The following ARHGAP15 variants were observed in gnomAD, a reference collection of about 807,000 sequenced individuals.
ARHGAP15 encodes the protein Rho GTPase activating protein 15.
A neutral mutation model predicts 63.7 loss-of-function variants in ARHGAP15; 51 were observed. The ratio of observed to expected loss-of-function variants is 0.80; its 90% CI spans 0.64 to 1.01. The LOEUF (loss-of-function observed/expected upper bound fraction) is 1.01, where lower values mean the gene tolerates loss of function less well. ARHGAP15 is among the 50% of genes least tolerant of loss of function. The probability of loss-of-function intolerance (pLI) is 0.00; values close to 1 mark genes in which losing one functional copy is unlikely to be tolerated. For synonymous variants in ARHGAP15, 191 were observed against 193.8 expected, an observed-to-expected ratio of 0.99 and a Z score of 0.12; for missense variants, 560 against 564.6, an observed-to-expected ratio of 0.99 and a Z score of 0.08.
chr2:143,197,570 C>T (rs974750104), intron 2 of ARHGAP15, among the ~76,000 whole-genome samples: 2 of 151,800 alleles, frequency 1.3e-5, no homozygotes, highest in African/African-American at 4.8e-5. Flanking sequence ...GATATCCATG[C>T]AAAACAATTA....
chr2:143,615,150 G>A (rs1423324409), intron 11 of ARHGAP15, among the ~76,000 whole-genome samples: 1 of 152,094 alleles, frequency 6.6e-6, no homozygotes, highest in Non-Finnish European at 1.5e-5. Flanking sequence ...GATAACTTAG[G>A]TTAAAAATTA....
intron 6 of ARHGAP15, among the ~76,000 whole-genome samples, chr2:143,352,393 A>T (rs1685610813): frequency 6.6e-6 from 1 of 152,220 alleles, no homozygotes; most frequent in Non-Finnish European, 1.5e-5. Flanking sequence ...ATTGAAATAA[A>T]ATAATGATCT....
chr2:143,476,574 TTC>T (rs1691827974), intron 8 of ARHGAP15, among the ~76,000 whole-genome samples: 3 of 152,206 alleles, frequency 2.0e-5, no homozygotes, highest in Admixed American at 2.0e-4. Context: ...CATAAACACT[TTC>T]TTTCCCACAA....
At chr2:143,613,513 C>T (rs1698339275) in intron 11 of ARHGAP15, among the ~76,000 whole-genome samples, 1 of 152,146 alleles carries the variant, frequency 6.6e-6, no homozygotes, top group African/African-American at 2.4e-5. Context: ...GATACTAAAA[C>T]ACCATTGAAG....
chr2:143,671,542 G>C (rs1682526147), intron 12 of ARHGAP15, among the ~76,000 whole-genome samples: 2 of 152,118 alleles, frequency 1.3e-5, no homozygotes, highest in South Asian at 4.1e-4. Flanking sequence ...CAAAATTTTA[G>C]TGTGATTAAG....
chr2:143,263,907 CTTTTTTTTTTTTTTTTTTTTT>C (rs373296096), intron 6 of ARHGAP15, among the ~76,000 whole-genome samples: 2 of 38,420 alleles, frequency 5.2e-5, no homozygotes, highest in African/African-American at 6.3e-5. Flanking sequence ...AAGCTGCAGT[CTTTTTTTTTTTTTTTTTTTTT>C]TTTTTTTTTT....
At chr2:143,294,513 C>G (rs374061407) in intron 6 of ARHGAP15, among the ~76,000 whole-genome samples, 13 of 152,064 alleles carry the variant, frequency 8.5e-5, no homozygotes, top group East Asian at 3.9e-4. Context: ...GGAACCCTGA[C>G]TCTTCCCATG....
chr2:143,144,749 C>T (rs868403791), intron 1 of ARHGAP15, among the ~76,000 whole-genome samples: 1 of 151,990 alleles, frequency 6.6e-6, no homozygotes, highest in South Asian at 2.1e-4. Context: ...TACCCCTACC[C>T]CTCACCAGCA....
intron 8 of ARHGAP15, among the ~76,000 whole-genome samples, chr2:143,456,756 T>G (rs1016679257): frequency 1.3e-5 from 2 of 151,978 alleles, no homozygotes; most frequent in African/African-American, 4.8e-5. Flanking sequence ...TGTATAATTT[T>G]CCTTTTGTAA....
chr2:143,481,027 T>G (rs1005477340), intron 8 of ARHGAP15, among the ~76,000 whole-genome samples: 1 of 152,172 alleles, frequency 6.6e-6, no homozygotes, highest in Non-Finnish European at 1.5e-5. Flanking sequence ...CAGTACTTTG[T>G]TATGTAATCC....
intron 6 of ARHGAP15, among the ~76,000 whole-genome samples, chr2:143,399,551 T>C (rs1687911056): frequency 6.6e-6 from 1 of 151,500 alleles, no homozygotes; most frequent in East Asian, 1.9e-4. Flanking sequence ...AAGGGCCTTG[T>C]AATGTATTTG....
intron 13 of ARHGAP15, among the ~76,000 whole-genome samples, chr2:143,749,219 G>A (rs1238284942): frequency 1.3e-5 from 2 of 152,120 alleles, no homozygotes; most frequent in Non-Finnish European, 2.9e-5. Flanking sequence ...GCCTCCAATC[G>A]AAGGGCAGGC....
chr2:143,448,360 G>T (rs1263966823), intron 8 of ARHGAP15, among the ~76,000 whole-genome samples: 1 of 152,062 alleles, frequency 6.6e-6, no homozygotes, highest in East Asian at 1.9e-4. Context: ...GAACAGATTT[G>T]ATTTTTAGAG....
intron 10 of ARHGAP15, among the ~76,000 whole-genome samples, chr2:143,549,082 G>A (rs1695452933): frequency 6.6e-6 from 1 of 152,088 alleles, no homozygotes; most frequent in Non-Finnish European, 1.5e-5. Flanking sequence ...CGTAACAACT[G>A]TTTTAAATAT....
At chr2:143,537,212 T>TG (rs1559035750) in intron 10 of ARHGAP15, among the ~76,000 whole-genome samples, 7 of 152,094 alleles carry the variant, frequency 4.6e-5, no homozygotes, top group Admixed American at 2.0e-4. Flanking sequence ...TTTGCCCACT[T>TG]TTTGACGAGG....
At chr2:143,142,119 A>T (rs950982222) in intron 1 of ARHGAP15, among the ~76,000 whole-genome samples, 4 of 152,084 alleles carry the variant, frequency 2.6e-5, no homozygotes, top group African/African-American at 9.7e-5. Flanking sequence ...CTCATTTTTC[A>T]ATTGGAAATT....
At chr2:143,664,332 A>G (rs1303890644) in intron 12 of ARHGAP15, among the ~76,000 whole-genome samples, 1 of 151,350 alleles carries the variant, frequency 6.6e-6, no homozygotes, top group Non-Finnish European at 1.5e-5. Flanking sequence ...ATACATAACG[A>G]AATGAAGGCA....
chr2:143,621,775 T>C (rs971844965), intron 11 of ARHGAP15, among the ~76,000 whole-genome samples: 14 of 152,180 alleles, frequency 9.2e-5, no homozygotes, highest in African/African-American at 2.7e-4. Context: ...TATGTTCGAT[T>C]TTCATGTTCA....
At chr2:143,597,195 G>A (rs2105183128) in intron 11 of ARHGAP15, among the ~76,000 whole-genome samples, 1 of 152,012 alleles carries the variant, frequency 6.6e-6, no homozygotes, top group East Asian at 1.9e-4. Context: ...AGAAAATATG[G>A]CAAAATCTAG....
Sources: gnomAD v4.1 joint callset for allele counts (sites outside exome capture counted in the v4.1 genomes callset) on GRCh38, gnomAD v4.1.1 for gene constraint, MANE v1.5 for transcripts, NCBI Gene and HGNC (gene_info 2026-07-23, HGNC 2026-07-21) for gene names.